Variants in SNTN observed in about 807,000 individuals in gnomAD.
SNTN encodes sentan, cilia apical structure protein.
In SNTN, 13 loss-of-function variants were observed where a neutral mutation model predicts 12.3. That is an observed-to-expected ratio of 1.05 (90% CI 0.69 to 1.67). SNTN has a LOEUF of 1.67. SNTN is among the 40% of genes most tolerant of loss of function. The probability of loss-of-function intolerance (pLI) is 0.00; values close to 1 mark genes in which losing one functional copy is unlikely to be tolerated. For synonymous variants in SNTN, 69 were observed against 58.5 expected (o/e 1.18, Z -0.82); for missense variants, 189 against 169.8 (o/e 1.11, Z -0.63).
chr3:63,663,784 A>T (rs1700768645), intron 3 of SNTN, 153 bp from the exon 4 acceptor site: 1 of 949,664 alleles, frequency 1.1e-6, no homozygotes, highest in Non-Finnish European at 1.7e-6. Context: ...AGCCATCAGA[A>T]TTGTAAGCCA....
intron 2 of SNTN, among the ~76,000 whole-genome samples, chr3:63,659,201 T>C (rs1700715870): frequency 1.3e-5 from 2 of 152,200 alleles, no homozygotes; most frequent in African/African-American, 4.8e-5. Flanking sequence ...GGGAGATCAC[T>C]CTGTTTTAGG....
chr3:63,663,895 G>C (rs1164446445), intron 3 of SNTN, 42 bp from the exon 4 acceptor site: 2 of 1,595,460 alleles, frequency 1.3e-6, no homozygotes, highest in Non-Finnish European at 1.7e-6. Flanking sequence ...TAAACCTAAA[G>C]TCTATACAAC....
At chr3:63,658,424 A>G (rs1251440668) in intron 2 of SNTN, among the ~76,000 whole-genome samples, 1 of 146,764 alleles carries the variant, frequency 6.8e-6, no homozygotes, top group Non-Finnish European at 1.5e-5. Flanking sequence ...ATATATATAT[A>G]TGTAAAATAT....
At chr3:63,663,866 C>T in intron 3 of SNTN, 71 bp from the exon 4 acceptor site, 4 of 1,525,576 alleles carry the variant, frequency 2.6e-6, no homozygotes, top group Non-Finnish European at 9.0e-7. Flanking sequence ...CAGACTAAGA[C>T]ATTATTGTTT....
At chr3:63,657,889 G>A (rs1700700291) in intron 2 of SNTN, among the ~76,000 whole-genome samples, 1 of 152,170 alleles carries the variant, frequency 6.6e-6, no homozygotes, top group African/African-American at 2.4e-5. Context: ...GCACTGCTCA[G>A]AGATACAATA....
chr3:63,652,802 G>A lies in SNTN; in HGVS notation c.110+5G>A, dbSNP rs115334481. 2,147 of 1,612,132 alleles carry A rather than the reference G, an allele frequency of 1.3e-3. 20 individuals are homozygous for A. The African/African-American group carries it at 0.025, about 18-fold the overall frequency. ...ACCTAGGAAAATGCCCAAAAGGTCA[G>A]TGGCACTTGGCTGTCTTTTATTGAG... On this transcript the variant is annotated splice_donor_5th_base_variant and intron_variant, in intron 1 of 3. Coordinates refer to ENST00000343837, the MANE Select transcript of SNTN (RefSeq NM_001080537.2).
chr3:63,652,949 C>T, intron 1 of SNTN, 152 bp downstream of exon 1: 1 of 646,690 alleles, frequency 1.5e-6, no homozygotes, highest in Non-Finnish European at 2.7e-6. Context: ...CTTGGAAAAA[C>T]AAAGACAACA....
chr3:63,659,748 G>C lies in SNTN; in HGVS notation c.169G>C (p.Glu57Gln), dbSNP rs1456284511. ...AGCTCTGAGGAAGTGCTCAGATCTG[G>C]AAAAAGCTATTGCCACCACTGCTCT... The part of the protein sequence containing the change: ...VKALRKCSDL[E>Q]KAIATTALIF... Residue 57 changes from glutamate (E) to glutamine (Q), a missense_variant, in exon 3 of 4, where the codon GAA becomes CAA. Transcript: ENST00000343837. 3.1e-6 allele frequency: 5 copies of C among 1,613,774 alleles called. No individual in the cohort carries two copies. The highest frequency in any genetic ancestry group is 4.2e-6 in the Non-Finnish European group (5 of 1,179,894).
chr3:63,657,049 T>C (rs1403496849), intron 2 of SNTN, among the ~76,000 whole-genome samples: 3 of 152,194 alleles, frequency 2.0e-5, no homozygotes, highest in East Asian at 3.9e-4. Context: ...GTGTCGTATA[T>C]TATTGTCCAC....
intron 3 of SNTN, among the ~76,000 whole-genome samples, chr3:63,661,732 G>A (rs942373121): frequency 2.6e-5 from 4 of 151,786 alleles, no homozygotes; most frequent in South Asian, 2.1e-4. Flanking sequence ...CAAGTTTTGG[G>A]GAGTCTAAGG....
At chr3:63,655,550 A>G (rs1228675571) in intron 2 of SNTN, among the ~76,000 whole-genome samples, 1 of 152,210 alleles carries the variant, frequency 6.6e-6, no homozygotes, top group Non-Finnish European at 1.5e-5. Context: ...ACACAACTTC[A>G]GGCACTTTTG....
Position 63,659,987 on chromosome 3 carries a change from C to G in SNTN, c.285+123C>G, listed in dbSNP as rs148298850. 37 of 1,152,662 alleles carry G rather than the reference C, an allele frequency of 3.2e-5. No individual in the cohort carries two copies. In the African/African-American group the frequency reaches 5.0e-4, roughly 16 times the overall value. 71.4% of individuals were successfully genotyped at this position (1,152,662 alleles called of 1,614,324 possible). A position where few individuals can be genotyped will look rare whatever the true frequency, so the allele number is the denominator to read the frequency against. On this transcript the variant is annotated intron_variant, in intron 3 of 3. Coordinates refer to ENST00000343837, the MANE Select transcript of SNTN (RefSeq NM_001080537.2). The stretch of plus-strand genomic sequence containing the variant: ...CACGTAACAAATGTTTATTGAACAC[C>G]TACCTTATGCCAGGCAGTGAGCTGC...
At chr3:63,660,396 C>A (rs1700731026) in intron 3 of SNTN, among the ~76,000 whole-genome samples, 1 of 152,046 alleles carries the variant, frequency 6.6e-6, no homozygotes, top group African/African-American at 2.4e-5. Flanking sequence ...ATGTCTACGT[C>A]CAGGCCTAAG....
intron 3 of SNTN, among the ~76,000 whole-genome samples, chr3:63,662,596 T>C (rs9859740): frequency 0.014 from 2,163 of 152,296 alleles, 44 homozygotes; most frequent in African/African-American, 0.049. Context: ...TGGTCCTGTC[T>C]ACCTGTGTCT....
intron 3 of SNTN, 91 bp downstream of exon 3, chr3:63,659,955 G>T: frequency 2.1e-6 from 3 of 1,461,686 alleles, no homozygotes; most frequent in Non-Finnish European, 2.8e-6. Context: ...TCCCTGTCAT[G>T]TTGTCTCACG....
chr3:63,653,948 T>G (rs1158143), intron 1 of SNTN, among the ~76,000 whole-genome samples: 1 of 151,982 alleles, frequency 6.6e-6, no homozygotes, highest in Non-Finnish European at 1.5e-5. Flanking sequence ...TTCAATCATA[T>G]GGTGATTTCT....
chr3:63,652,935 T>A, intron 1 of SNTN, 138 bp downstream of exon 1: 1 of 694,238 alleles, frequency 1.4e-6, no homozygotes, highest in Non-Finnish European at 2.4e-6. Flanking sequence ...CGGCTTTAAA[T>A]TGACTTGGAA....
In SNTN at chr3:63,659,798, T is replaced by C. The variant is rs1262487110; in HGVS notation, c.219T>C (p.Ser73=). ...TGATTTTCAGAAATTCTTCTGACTC[T>C]GATGGTAAACTTGAAAAAGCTATTG... ...TALIFRNSSD[S]DGKLEKAIAK... The change falls in exon 3 of 4, where the codon TCT becomes TCC. Residue 73 remains serine (S), a synonymous_variant. Transcript: ENST00000343837. 1 of 1,614,028 alleles carries C rather than the reference T, an allele frequency of 6.2e-7. No homozygotes were observed. The highest frequency in any genetic ancestry group is 1.1e-5 in the South Asian group (1 of 91,072).
At chr3:63,657,771 A>G (rs1412952367) in intron 2 of SNTN, among the ~76,000 whole-genome samples, 1 of 152,114 alleles carries the variant, frequency 6.6e-6, no homozygotes, top group African/African-American at 2.4e-5. Context: ...GCAAGAAGAT[A>G]CTCCTAAGTG....
Sources: allele counts gnomAD v4.1 joint callset (sites outside exome capture counted in the v4.1 genomes callset), GRCh38; gene constraint gnomAD v4.1.1; transcripts MANE v1.5; gene names NCBI Gene and HGNC (gene_info 2026-07-23, HGNC 2026-07-21).